The following CEP126 variants were observed in gnomAD, a reference collection of about 807,000 sequenced individuals.
The protein encoded by CEP126 is centrosomal protein of 126 kDa.
Under a neutral mutation model 107.8 loss-of-function variants are expected in CEP126, and 74 were observed. The ratio of observed to expected loss-of-function variants is 0.69; its 90% CI spans 0.57 to 0.83. The LOEUF (loss-of-function observed/expected upper bound fraction) is 0.83, where lower values mean the gene tolerates loss of function less well. Ranked by LOEUF, CEP126 falls within the 40% of genes least tolerant of loss-of-function variation. The probability of loss-of-function intolerance (pLI) is 0.00; values close to 1 mark genes in which losing one functional copy is unlikely to be tolerated. For missense variants in CEP126, 1,237 were observed against 1,281.9 expected (o/e 0.96, Z 0.53); for synonymous variants, 449 against 446.0 (o/e 1.01, Z -0.08).
At chr11:101,972,429 A>T (rs1294330179) in intron 6 of CEP126, among the ~76,000 whole-genome samples, 1 of 151,732 alleles carries the variant, frequency 6.6e-6, no homozygotes, top group East Asian at 1.9e-4. Context: ...CCGTCTCAAA[A>T]AAAACAATAC....
intron 2 of CEP126, among the ~76,000 whole-genome samples, chr11:101,927,872 G>GT (rs1370312116): frequency 6.6e-6 from 1 of 152,166 alleles, no homozygotes; most frequent in Non-Finnish European, 1.5e-5. Flanking sequence ...TCACATACAG[G>GT]TTTTTGTATA....
rs751415116 is a variant in CEP126 at position 101,919,412 on chromosome 11, CAT to C, written c.129-3228_129-3227del. 4.6e-5 allele frequency among the ~76,000 whole-genome samples: 7 copies of C among 152,068 alleles called. No individual in the cohort carries two copies. In the South Asian group the frequency reaches 1.0e-3, roughly 23 times the overall value. On this transcript the variant is annotated intron_variant, in intron 1 of 10. Coordinates refer to ENST00000263468, the MANE Select transcript of CEP126 (RefSeq NM_020802.4). ...TAGAATAAGCTATGCTTTAAAATCA[CAT>C]GTTACAATACATATTATTCTTGGTT... is the stretch of plus-strand genomic sequence containing the variant.
intron 2 of CEP126, among the ~76,000 whole-genome samples, chr11:101,934,733 T>C (rs1340334709): frequency 1.3e-5 from 2 of 152,124 alleles, no homozygotes; most frequent in Non-Finnish European, 2.9e-5. Flanking sequence ...TATTCCATTG[T>C]AAAAATATAT....
chr11:101,919,934 A>G (rs1940297347), intron 1 of CEP126, among the ~76,000 whole-genome samples: 1 of 152,190 alleles, frequency 6.6e-6, no homozygotes, highest in African/African-American at 2.4e-5. Flanking sequence ...TAATACCTAG[A>G]CATCTTGTTG....
At chr11:101,927,289 G>A (rs1591269481) in intron 2 of CEP126, among the ~76,000 whole-genome samples, 1 of 152,108 alleles carries the variant, frequency 6.6e-6, no homozygotes, top group East Asian at 1.9e-4. Flanking sequence ...GTGACAGAGC[G>A]AGTCTCCATT....
chr11:101,934,055 A>G (rs569590171), intron 2 of CEP126, among the ~76,000 whole-genome samples: 4 of 152,090 alleles, frequency 2.6e-5, no homozygotes, highest in Non-Finnish European at 2.9e-5. Context: ...ACAAGGTATC[A>G]TCTTCGCTCT....
intron 6 of CEP126, among the ~76,000 whole-genome samples, chr11:101,975,467 A>G (rs1308530745): frequency 3.9e-5 from 6 of 152,230 alleles, no homozygotes. Context: ...AGAAGTTTAG[A>G]TTTTAGAGCC....
At chr11:101,988,429 A>G (rs936805289) in intron 9 of CEP126, among the ~76,000 whole-genome samples, 6 of 152,170 alleles carry the variant, frequency 3.9e-5, no homozygotes, top group African/African-American at 1.4e-4. Context: ...AAGAGTAAAT[A>G]AAAAGGTCTG....
At chr11:101,925,639 G>A (rs1940395482) in intron 2 of CEP126, among the ~76,000 whole-genome samples, 1 of 141,134 alleles carries the variant, frequency 7.1e-6, no homozygotes, top group African/African-American at 2.7e-5. Flanking sequence ...TGTTGTGGCG[G>A]GTGCCTATAA....
Position 101,944,355 on chromosome 11 carries a change from A to AG in CEP126, c.340dup (p.Val114GlyfsTer3). The AG allele has an allele frequency of 6.2e-7, 1 of 1,612,264 alleles. No homozygotes were observed. Among genetic ancestry groups the AG allele is most frequent in the Non-Finnish European group, 8.5e-7 (1 of 1,179,336 alleles). On this transcript the variant is annotated frameshift_variant, in exon 3 of 11. Coordinates refer to ENST00000263468, the MANE Select transcript of CEP126 (RefSeq NM_020802.4). LOFTEE classifies it high-confidence loss of function. ...AACAAAGAAAACAGAAGTTTGAAGA[A>AG]GTTACTGAAAAATTCCAGCGTGCCC... is the stretch of plus-strand genomic sequence containing the variant.
chr11:101,956,941 A>AATT (rs1182588274), intron 4 of CEP126: 2 of 341,532 alleles, frequency 5.9e-6, no homozygotes, highest in Non-Finnish European at 1.1e-5. Flanking sequence ...GACAACTTTA[A>AATT]AGGTAAATAA....
intron 3 of CEP126, among the ~76,000 whole-genome samples, chr11:101,947,084 A>AC (rs1940747117): frequency 6.6e-6 from 1 of 152,188 alleles, no homozygotes. Context: ...GTTTGAACTA[A>AC]CCCTTACATA....
chr11:101,924,177 G>A (rs1940373440), intron 2 of CEP126, among the ~76,000 whole-genome samples: 1 of 152,022 alleles, frequency 6.6e-6, no homozygotes, highest in Non-Finnish European at 1.5e-5. Context: ...ATATTATTGT[G>A]TTTTATTTTC....
At chr11:101,931,333 G>C (rs1386591205) in intron 2 of CEP126, among the ~76,000 whole-genome samples, 2 of 152,096 alleles carry the variant, frequency 1.3e-5, no homozygotes, top group Non-Finnish European at 2.9e-5. Flanking sequence ...TTCCAGTCAA[G>C]TGAAAGACAA....
At chr11:101,996,555 G>A (rs770398871) in intron 10 of CEP126, among the ~76,000 whole-genome samples, 14 of 152,080 alleles carry the variant, frequency 9.2e-5, no homozygotes, top group Non-Finnish European at 1.9e-4. Context: ...TGATGGATAC[G>A]GTCTGATAGA....
chr11:101,970,239 C>T (rs1350822528), intron 6 of CEP126, among the ~76,000 whole-genome samples: 1 of 152,122 alleles, frequency 6.6e-6, no homozygotes, highest in Non-Finnish European at 1.5e-5. Flanking sequence ...GAGTTGAATT[C>T]CATTGTTCAT....
chr11:101,936,201 C>G (rs1940576127), intron 2 of CEP126, among the ~76,000 whole-genome samples: 2 of 151,974 alleles, frequency 1.3e-5, no homozygotes, highest in African/African-American at 2.4e-5. Context: ...TTCCCCCACC[C>G]TTTATTTTGG....
intron 9 of CEP126, among the ~76,000 whole-genome samples, chr11:101,990,316 C>T (rs956709940): frequency 4.6e-5 from 7 of 152,132 alleles, no homozygotes; most frequent in African/African-American, 1.7e-4. Flanking sequence ...AGGCATGAAG[C>T]GCCCCCCATA....
chr11:101,959,061 G>A lies in CEP126; in HGVS notation c.705+695G>A, dbSNP rs116314533. Among the ~76,000 whole-genome samples the A allele has an allele frequency of 3.4e-3, 524 of 152,296 alleles. 1 individual carries two copies. The highest frequency in any genetic ancestry group is 8.6e-3 in the African/African-American group (357 of 41,564). ...AAGCCTTATAACCTAGGCTTTCTAC[G>A]TAGTTATGTTGCCTGAATAAGCCTT... On this transcript the variant is annotated intron_variant, in intron 5 of 10. Coordinates refer to ENST00000263468, the MANE Select transcript of CEP126 (RefSeq NM_020802.4).
Sources: gnomAD v4.1 joint callset for allele counts (sites outside exome capture counted in the v4.1 genomes callset) on GRCh38, gnomAD v4.1.1 for gene constraint, MANE v1.5 for transcripts, NCBI Gene and HGNC (gene_info 2026-07-23, HGNC 2026-07-21) for gene names.